The following PRTFDC1 variants were observed in gnomAD, a reference collection of about 807,000 sequenced individuals.
PRTFDC1 encodes phosphoribosyl transferase domain containing 1.
Under a neutral mutation model 34.6 loss-of-function variants are expected in PRTFDC1, and 38 were observed. The observed-to-expected ratio is 1.10, with a 90% confidence interval of 0.85 to 1.44. PRTFDC1 has a LOEUF of 1.44. Among genes scored for constraint, PRTFDC1 ranks in the 40% most tolerant of loss-of-function variants. PRTFDC1 has a pLI of 0.00. For missense variants in PRTFDC1, 270 were observed against 283.0 expected (o/e 0.95, Z 0.33); for synonymous variants, 93 against 98.1 (o/e 0.95, Z 0.31).
intron 3 of PRTFDC1, among the ~76,000 whole-genome samples, chr10:24,873,346 AC>A (rs1316015007): frequency 6.6e-6 from 1 of 152,146 alleles, no homozygotes; most frequent in Non-Finnish European, 1.5e-5. Flanking sequence ...CTCATTACAG[AC>A]CCACATTAAA....
intron 1 of PRTFDC1, among the ~76,000 whole-genome samples, chr10:24,948,243 A>G (rs965779981): frequency 6.6e-6 from 1 of 152,174 alleles, no homozygotes; most frequent in African/African-American, 2.4e-5. Context: ...GTAAGTACTA[A>G]TAATAGCTCA....
At chr10:24,894,807 G>A (rs1234483376) in intron 3 of PRTFDC1, among the ~76,000 whole-genome samples, 1 of 152,174 alleles carries the variant, frequency 6.6e-6, no homozygotes, top group Admixed American at 6.5e-5. Flanking sequence ...TCGAGGCTCC[G>A]CTCCTGTGGA....
At chr10:24,916,611 G>T (rs553352916) in intron 3 of PRTFDC1, among the ~76,000 whole-genome samples, 2 of 152,114 alleles carry the variant, frequency 1.3e-5, no homozygotes, top group Non-Finnish European at 2.9e-5. Context: ...GACTTCCCCT[G>T]TCTGCATGGG....
chr10:24,915,447 T>C (rs1026994291), intron 3 of PRTFDC1, among the ~76,000 whole-genome samples: 10 of 152,178 alleles, frequency 6.6e-5, no homozygotes, highest in African/African-American at 1.2e-4. Context: ...TTGGCTTCCA[T>C]ATCCCTATAG....
At chr10:24,899,492 C>T (rs1265269912) in intron 3 of PRTFDC1, among the ~76,000 whole-genome samples, 2 of 152,044 alleles carry the variant, frequency 1.3e-5, no homozygotes, top group Admixed American at 1.3e-4. Context: ...GAATGACCTG[C>T]CACCTCTGAC....
rs114076853 is a variant in PRTFDC1, at chr10:24,885,554, C to T, written c.340-13491G>A. Among the ~76,000 whole-genome samples, 409 of 152,230 alleles carry T rather than the reference C, an allele frequency of 2.7e-3. 1 individual carries two copies. Among genetic ancestry groups the T allele is most frequent in the African/African-American group, 9.4e-3 (391 of 41,550 alleles). On this transcript the variant is annotated intron_variant, in intron 3 of 8. Coordinates refer to ENST00000320152, the MANE Select transcript of PRTFDC1 (RefSeq NM_020200.7). ...CTGAATAGCTGGGATTACAGATGTG[C>T]GCCATCATGCCAGGCTAATTTTTTT... is the stretch of plus-strand genomic sequence containing the variant.
chr10:24,949,344 A>C (rs984872842), intron 1 of PRTFDC1, among the ~76,000 whole-genome samples: 2 of 152,084 alleles, frequency 1.3e-5, no homozygotes, highest in African/African-American at 4.8e-5. Flanking sequence ...CAGCCTCCCA[A>C]AGTGCTGGGA....
intron 3 of PRTFDC1, among the ~76,000 whole-genome samples, chr10:24,931,927 A>G (rs11014305): frequency 6.6e-6 from 1 of 150,806 alleles, no homozygotes; most frequent in African/African-American, 2.4e-5. Flanking sequence ...AAAAAAAAAC[A>G]AAAAACTATG....
chr10:24,908,743 C>A, intron 3 of PRTFDC1: 1 of 1,506,124 alleles, frequency 6.6e-7, no homozygotes, highest in Non-Finnish European at 8.9e-7. Flanking sequence ...ACCTAGCCAG[C>A]CCGATCAGCC....
At chr10:24,886,219 CTA>C (rs1353632577) in intron 3 of PRTFDC1, among the ~76,000 whole-genome samples, 1 of 150,396 alleles carries the variant, frequency 6.6e-6, no homozygotes, top group African/African-American at 2.5e-5. Flanking sequence ...AGCGGGGAGT[CTA>C]TGTGGGGCTA....
At chr10:24,942,785 C>A (rs1201285004) in intron 1 of PRTFDC1, among the ~76,000 whole-genome samples, 2 of 152,118 alleles carry the variant, frequency 1.3e-5, no homozygotes, top group Admixed American at 1.3e-4. Context: ...GGAGCTGGGA[C>A]TACAGGCATG....
intron 2 of PRTFDC1, among the ~76,000 whole-genome samples, chr10:24,940,268 C>T (rs1469061977): frequency 1.3e-5 from 2 of 152,052 alleles, no homozygotes; most frequent in Admixed American, 6.6e-5. Context: ...TAAAAGATAC[C>T]AGTAAGAAAA....
chr10:24,863,613 G>A (rs1588576423), intron 4 of PRTFDC1, among the ~76,000 whole-genome samples: 1 of 152,154 alleles, frequency 6.6e-6, no homozygotes, highest in African/African-American at 2.4e-5. Flanking sequence ...CATAGATAGT[G>A]ATTCCTCTGA....
chr10:24,862,363 A>G (rs1383202746), intron 4 of PRTFDC1, among the ~76,000 whole-genome samples: 2 of 149,148 alleles, frequency 1.3e-5, no homozygotes, highest in African/African-American at 5.0e-5. Context: ...GTATAGGCAT[A>G]CCTTGTTTTT....
intron 3 of PRTFDC1, among the ~76,000 whole-genome samples, chr10:24,911,794 G>C (rs1275336545): frequency 6.6e-6 from 1 of 152,050 alleles, no homozygotes; most frequent in Non-Finnish European, 1.5e-5. Flanking sequence ...TTGAACCCAG[G>C]AGGCGGAGTT....
chr10:24,854,679 T>C (rs964449976), intron 7 of PRTFDC1, among the ~76,000 whole-genome samples: 1 of 152,172 alleles, frequency 6.6e-6, no homozygotes, highest in Middle Eastern at 3.2e-3. Context: ...GAGAGTGTCC[T>C]AGATGAGGAA....
chr10:24,921,993 CATT>C (rs1008934257), intron 3 of PRTFDC1, among the ~76,000 whole-genome samples: 1 of 152,114 alleles, frequency 6.6e-6, no homozygotes, highest in Non-Finnish European at 1.5e-5. Flanking sequence ...TTGTCAAAGG[CATT>C]ATTTTTCCAT....
chr10:24,917,489 A>G (rs573072770), intron 3 of PRTFDC1, among the ~76,000 whole-genome samples: 1 of 152,278 alleles, frequency 6.6e-6, no homozygotes, highest in East Asian at 1.9e-4. Context: ...TTCTTTCTCC[A>G]TGGGAATGTT....
intron 3 of PRTFDC1, among the ~76,000 whole-genome samples, chr10:24,874,038 G>C (rs1847921678): frequency 6.6e-6 from 1 of 151,288 alleles, no homozygotes; most frequent in African/African-American, 2.4e-5. Flanking sequence ...CTCTCAAGTA[G>C]CTGGGACTGC....
Sources: allele counts gnomAD v4.1 joint callset (sites outside exome capture counted in the v4.1 genomes callset), GRCh38; gene constraint gnomAD v4.1.1; transcripts MANE v1.5; gene names NCBI Gene and HGNC (gene_info 2026-07-23, HGNC 2026-07-21).